Variants in PTPRM observed in about 807,000 individuals in gnomAD.
PTPRM encodes the protein protein tyrosine phosphatase receptor type M.
Under a neutral mutation model 186.7 loss-of-function variants are expected in PTPRM, and 47 were observed. The observed-to-expected ratio is 0.25, with a 90% CI of 0.20 to 0.32. The LOEUF is 0.32. PTPRM is among the 10% of genes least tolerant of loss of function. PTPRM has a pLI of 1.00. For synonymous variants in PTPRM, 668 were observed against 674.9 expected (o/e 0.99, Z 0.16); for missense variants, 1,494 against 1,865.0 (o/e 0.80, Z 3.66).
chr18:7,619,826 A>T (rs1269260771), intron 1 of PTPRM, among the ~76,000 whole-genome samples: 1 of 152,092 alleles, frequency 6.6e-6, no homozygotes, highest in East Asian at 1.9e-4. Flanking sequence ...TGACCATATG[A>T]CTTGCTTTGG....
chr18:7,857,776 A>G (rs1218774683), intron 2 of PTPRM, among the ~76,000 whole-genome samples: 1 of 152,172 alleles, frequency 6.6e-6, no homozygotes, highest in African/African-American at 2.4e-5. Flanking sequence ...TTTCGACATC[A>G]GTAGAGGACT....
At chr18:7,639,730 C>T (rs1015743849) in intron 1 of PTPRM, among the ~76,000 whole-genome samples, 8 of 152,160 alleles carry the variant, frequency 5.3e-5, no homozygotes, top group African/African-American at 1.7e-4. Flanking sequence ...ATGCTGTTTA[C>T]ATTTATATGG....
Position 7,955,326 on chromosome 18 carries a change from A to G in PTPRM, c.1044A>G (p.Glu348=). 1.2e-6 allele frequency: 2 copies of G among 1,614,180 alleles called. No individual in the cohort carries two copies. The highest frequency in any genetic ancestry group is 1.1e-5 in the South Asian group (1 of 91,086). The change falls in exon 7 of 33, where the codon GAA becomes GAG. Residue 348 remains glutamate, a synonymous_variant. Transcript: ENST00000580170. ...TTGGACACCTTGACCCAGATACAGA[A>G]TATGAGATTAGTGTGCTCCTGACCA... ...YKIGHLDPDT[E]YEISVLLTRP... is the part of the protein sequence containing the mutation.
chr18:7,917,198 T>C (rs1299326245), intron 4 of PTPRM, among the ~76,000 whole-genome samples: 1 of 152,202 alleles, frequency 6.6e-6, no homozygotes, highest in Non-Finnish European at 1.5e-5. Flanking sequence ...TGGAAAGCAG[T>C]TTGACAATTT....
chr18:7,782,070 C>T (rs945576476), intron 2 of PTPRM, among the ~76,000 whole-genome samples: 2 of 152,174 alleles, frequency 1.3e-5, no homozygotes, highest in Non-Finnish European at 2.9e-5. Context: ...GTTGTAGTCT[C>T]TCAGCAGTTT....
intron 19 of PTPRM, among the ~76,000 whole-genome samples, chr18:8,291,839 A>G (rs2095046345): frequency 6.6e-6 from 1 of 150,918 alleles, no homozygotes; most frequent in Admixed American, 6.6e-5. Context: ...GATTATGCCC[A>G]TCTCATGGTC....
chr18:8,337,248 C>T (rs1484409898), intron 22 of PTPRM, among the ~76,000 whole-genome samples: 1 of 151,984 alleles, frequency 6.6e-6, no homozygotes, highest in Non-Finnish European at 1.5e-5. Flanking sequence ...ACAGACTGGT[C>T]TCAAACTCCT....
intron 20 of PTPRM, among the ~76,000 whole-genome samples, chr18:8,305,708 G>C (rs1191042317): frequency 1.3e-5 from 2 of 152,158 alleles, no homozygotes; most frequent in African/African-American, 4.8e-5. Flanking sequence ...CATTCAGCAT[G>C]TCTTCAAACA....
At chr18:7,576,177 C>T (rs1235407826) in intron 1 of PTPRM, among the ~76,000 whole-genome samples, 2 of 152,170 alleles carry the variant, frequency 1.3e-5, no homozygotes, top group African/African-American at 4.8e-5. Context: ...CCAGCCAAAG[C>T]AGAAGCAAAG....
At chr18:8,299,517 A>G (rs1337961728) in intron 20 of PTPRM, among the ~76,000 whole-genome samples, 1 of 151,386 alleles carries the variant, frequency 6.6e-6, no homozygotes, top group Non-Finnish European at 1.5e-5. Flanking sequence ...AACCTGGGAG[A>G]TGGAGGTTGC....
At chr18:8,016,390 C>A (rs1264871931) in intron 7 of PTPRM, among the ~76,000 whole-genome samples, 1 of 151,914 alleles carries the variant, frequency 6.6e-6, no homozygotes, top group Non-Finnish European at 1.5e-5. Context: ...TTTGGTGGTG[C>A]ATGCCTGTAA....
chr18:8,010,354 A>G (rs776354964), intron 7 of PTPRM, among the ~76,000 whole-genome samples: 2 of 152,018 alleles, frequency 1.3e-5, no homozygotes, highest in Non-Finnish European at 2.9e-5. Flanking sequence ...CTTTGTCCAG[A>G]TTTTCATCAT....
intron 7 of PTPRM, among the ~76,000 whole-genome samples, chr18:8,044,033 A>G (rs1307236509): frequency 6.6e-6 from 1 of 152,214 alleles, no homozygotes; most frequent in African/African-American, 2.4e-5. Flanking sequence ...CACGGAACAA[A>G]CAACAAATTC....
chr18:8,340,189 G>C (rs1411600221), intron 22 of PTPRM, among the ~76,000 whole-genome samples: 2 of 152,178 alleles, frequency 1.3e-5, no homozygotes, highest in Admixed American at 6.5e-5. Flanking sequence ...GCAGGAGAGC[G>C]GAGACAGGAG....
intron 1 of PTPRM, among the ~76,000 whole-genome samples, chr18:7,734,650 A>G (rs939101976): frequency 6.6e-6 from 1 of 152,220 alleles, no homozygotes; most frequent in Non-Finnish European, 1.5e-5. Context: ...TAATTAAAAG[A>G]AGGGAGCAAA....
At chr18:8,343,904 CA>C (rs1254375291) in intron 23 of PTPRM, among the ~76,000 whole-genome samples, 1 of 152,184 alleles carries the variant, frequency 6.6e-6, no homozygotes, top group Non-Finnish European at 1.5e-5. Context: ...GCTCTAGATT[CA>C]ATCCTTAGAT....
chr18:7,729,031 C>T (rs1194727411), intron 1 of PTPRM, among the ~76,000 whole-genome samples: 2 of 151,946 alleles, frequency 1.3e-5, no homozygotes, highest in Non-Finnish European at 2.9e-5. Context: ...CTGCCTCAGC[C>T]TCCTGAGTAG....
At chr18:8,187,533 A>G (rs1045440546) in intron 14 of PTPRM, among the ~76,000 whole-genome samples, 6 of 152,156 alleles carry the variant, frequency 3.9e-5, no homozygotes, top group African/African-American at 1.4e-4. Flanking sequence ...TTGTGTTTTA[A>G]GTAAGGGCAT....
chr18:7,643,496 TGCCTG>T (rs1187689593), intron 1 of PTPRM, among the ~76,000 whole-genome samples: 7 of 152,024 alleles, frequency 4.6e-5, no homozygotes, highest in Admixed American at 3.3e-4. Context: ...CCAGCCACCA[TGCCTG>T]GCTAATTTTT....
Sources: gnomAD v4.1 joint callset for allele counts (sites outside exome capture counted in the v4.1 genomes callset) on GRCh38, gnomAD v4.1.1 for gene constraint, MANE v1.5 for transcripts, NCBI Gene and HGNC (gene_info 2026-07-23, HGNC 2026-07-21) for gene names.